Variants in CSMD1 observed in about 807,000 individuals in gnomAD.
The protein encoded by CSMD1 is CUB and sushi domain-containing protein 1.
A neutral mutation model predicts 417.5 loss-of-function variants in CSMD1; 213 were observed. The ratio of observed to expected loss-of-function variants is 0.51; its 90% CI spans 0.46 to 0.57. CSMD1 has a LOEUF of 0.57. Ranked by LOEUF, CSMD1 falls within the 20% of genes least tolerant of loss-of-function variation. The pLI, the probability that CSMD1 is intolerant of heterozygous loss-of-function variation, is 0.00. For missense variants in CSMD1, 6,923 were observed against 4,529.7 expected (o/e 1.53, Z -15.17); for synonymous variants, 2,862 against 1,736.8 (o/e 1.65, Z -16.11).
chr8:3,302,987 G>A (rs533047079), intron 25 of CSMD1, among the ~76,000 whole-genome samples: 9 of 152,334 alleles, frequency 5.9e-5, no homozygotes, highest in Admixed American at 5.9e-4. Context: ...CCAGGTTAAA[G>A]GGGGTCTGGA....
In CSMD1 at chr8:2,993,513, T is replaced by C. The variant is rs534806125; in HGVS notation, c.8377+4498A>G. 2.5e-4 allele frequency among the ~76,000 whole-genome samples: 38 copies of C among 152,316 alleles called. No homozygotes were observed. The East Asian group carries it at 6.2e-3, about 25-fold the overall frequency. ...CTCTCAGCGTCTCCCAGATGCCAACTGGATCTACTTTAAAAATATTTTTTA... is the reference window on the plus strand; with the variant it reads ...CTCTCAGCGTCTCCCAGATGCCAACCGGATCTACTTTAAAAATATTTTTTA... On this transcript the variant is annotated intron_variant, in intron 54 of 69. Transcript: ENST00000635120.
chr8:4,021,566 G>T (rs560881076), intron 4 of CSMD1, among the ~76,000 whole-genome samples: 1 of 152,074 alleles, frequency 6.6e-6, no homozygotes, highest in Non-Finnish European at 1.5e-5. Flanking sequence ...GGTGCACCTG[G>T]GATCATCCTC....
At chr8:3,640,658 T>G (rs1797261020) in intron 7 of CSMD1, among the ~76,000 whole-genome samples, 1 of 152,238 alleles carries the variant, frequency 6.6e-6, no homozygotes, top group African/African-American at 2.4e-5. Context: ...ATTCCTTTGA[T>G]TGTCGCTACA....
chr8:4,566,544 T>C (rs1293941456), intron 2 of CSMD1, among the ~76,000 whole-genome samples: 1 of 149,970 alleles, frequency 6.7e-6, no homozygotes, highest in African/African-American at 2.5e-5. Flanking sequence ...TCCCACCTAC[T>C]CGGGAGGCTG....
intron 3 of CSMD1, among the ~76,000 whole-genome samples, chr8:4,182,606 T>C (rs1463501679): frequency 6.6e-6 from 1 of 152,170 alleles, no homozygotes. Context: ...TGAGGGAATT[T>C]TATGGACAAC....
At chr8:4,665,197 C>T (rs150021816) in intron 1 of CSMD1, among the ~76,000 whole-genome samples, 42 of 152,238 alleles carry the variant, frequency 2.8e-4, no homozygotes, top group Non-Finnish European at 4.7e-4. Context: ...CAAACCCTGG[C>T]GGCTTCTTTC....
intron 51 of CSMD1, 43 bp from the exon 52 acceptor site, chr8:3,018,693 A>T (rs1277015409): frequency 1.3e-6 from 2 of 1,545,018 alleles, no homozygotes; most frequent in Non-Finnish European, 1.8e-6. Flanking sequence ...TCAGTTATGC[A>T]GATTACTCCT....
chr8:3,034,631 T>C (rs576489376), intron 50 of CSMD1, among the ~76,000 whole-genome samples: 1 of 152,156 alleles, frequency 6.6e-6, no homozygotes, highest in Non-Finnish European at 1.5e-5. Context: ...GTTATAAAAA[T>C]CAATGCATAA....
intron 26 of CSMD1, among the ~76,000 whole-genome samples, chr8:3,249,629 A>T (rs979162731): frequency 6.6e-6 from 1 of 152,240 alleles, no homozygotes; most frequent in Non-Finnish European, 1.5e-5. Context: ...CATATAGGAG[A>T]TAATGTAAAC....
intron 10 of CSMD1, among the ~76,000 whole-genome samples, chr8:3,494,331 TA>T (rs1268846109): frequency 6.6e-6 from 1 of 152,222 alleles, no homozygotes; most frequent in East Asian, 1.9e-4. Context: ...CAGTATATTA[TA>T]ATCTATTAAC....
At chr8:3,781,370 C>T (rs1321596750) in intron 5 of CSMD1, among the ~76,000 whole-genome samples, 1 of 152,092 alleles carries the variant, frequency 6.6e-6, no homozygotes, top group East Asian at 1.9e-4. Flanking sequence ...AGGTCAAGCG[C>T]ATTCTATAGA....
At chr8:4,464,764 G>T (rs59171014) in intron 2 of CSMD1, among the ~76,000 whole-genome samples, 1 of 152,078 alleles carries the variant, frequency 6.6e-6, no homozygotes, top group Non-Finnish European at 1.5e-5. Flanking sequence ...GGCGAGTCCT[G>T]CTGAGTGGGG....
chr8:3,872,234 T>C (rs1350491490), intron 5 of CSMD1, among the ~76,000 whole-genome samples: 2 of 152,164 alleles, frequency 1.3e-5, no homozygotes. Flanking sequence ...TTGTCGTTGT[T>C]GTTGTTTTTA....
At chr8:4,281,291 G>C (rs1336965003) in intron 3 of CSMD1, among the ~76,000 whole-genome samples, 1 of 152,236 alleles carries the variant, frequency 6.6e-6, no homozygotes, top group African/African-American at 2.4e-5. Context: ...ATAGAAGGTA[G>C]AGATATGAAA....
intron 3 of CSMD1, among the ~76,000 whole-genome samples, chr8:4,276,326 GA>G (rs1796484716): frequency 6.6e-6 from 1 of 152,162 alleles, no homozygotes; most frequent in Non-Finnish European, 1.5e-5. Flanking sequence ...CCTTTGCAGG[GA>G]CATGGATGAA....
At chr8:3,001,410 G>A (rs1807395763) in intron 52 of CSMD1, among the ~76,000 whole-genome samples, 1 of 151,808 alleles carries the variant, frequency 6.6e-6, no homozygotes. Context: ...TATGGAAAGG[G>A]TATTCTTATT....
At chr8:4,854,407 G>C (rs184828217) in intron 1 of CSMD1, among the ~76,000 whole-genome samples, 2 of 152,102 alleles carry the variant, frequency 1.3e-5, no homozygotes, top group African/African-American at 2.4e-5. Context: ...ACTCCGGATC[G>C]AGCCAAGATG....
intron 26 of CSMD1, among the ~76,000 whole-genome samples, chr8:3,253,699 G>T (rs1217846010): frequency 2.6e-5 from 4 of 151,848 alleles, no homozygotes; most frequent in South Asian, 2.1e-4. Context: ...CTTGCTTTAT[G>T]AATCTTTTTT....
At chr8:4,876,781 T>G (rs1379579682) in intron 1 of CSMD1, among the ~76,000 whole-genome samples, 1 of 152,024 alleles carries the variant, frequency 6.6e-6, no homozygotes, top group Non-Finnish European at 1.5e-5. Context: ...CTCAGTTTTT[T>G]GGGGGTGTTT....
Sources: allele counts gnomAD v4.1 joint callset (sites outside exome capture counted in the v4.1 genomes callset), GRCh38; gene constraint gnomAD v4.1.1; transcripts MANE v1.5; gene names NCBI Gene and HGNC (gene_info 2026-07-23, HGNC 2026-07-21).